The following PRIM2 variants were observed in gnomAD, a reference collection of about 807,000 sequenced individuals.
The protein encoded by PRIM2 is DNA primase subunit 2, also known as DNA primase large subunit.
A neutral mutation model predicts 67.3 loss-of-function variants in PRIM2; 39 were observed. The observed-to-expected ratio is 0.58, with a 90% CI of 0.45 to 0.76. The LOEUF (loss-of-function observed/expected upper bound fraction) is 0.76. Ranked by LOEUF, PRIM2 falls within the 30% of genes least tolerant of loss-of-function variation. The pLI is 0.00. For synonymous variants in PRIM2, 143 were observed against 198.7 expected (o/e 0.72, Z 2.36); for missense variants, 398 against 598.7 (o/e 0.66, Z 3.50).
chr6:57,337,407 AT>A (rs1177186301), intron 5 of PRIM2, among the ~76,000 whole-genome samples: 1 of 151,532 alleles, frequency 6.6e-6, no homozygotes, highest in Admixed American at 6.6e-5. Flanking sequence ...CAGAATATAC[AT>A]TTTTTTCAGC....
chr6:57,297,678 A>C, the PRIM2 span, among the ~76,000 whole-genome samples: 1 of 152,194 alleles, frequency 6.6e-6, no homozygotes, highest in African/African-American at 2.4e-5. Flanking sequence ...AGAAGTTATC[A>C]TTACCAGTAG....
chr6:57,456,260 T>C (rs1772775727), intron 7 of PRIM2, among the ~76,000 whole-genome samples: 2 of 152,176 alleles, frequency 1.3e-5, no homozygotes, highest in African/African-American at 4.8e-5. Flanking sequence ...GACAATTATG[T>C]GTCTTGGAGT....
At chr6:57,347,579 T>C (rs567904812) in intron 5 of PRIM2, among the ~76,000 whole-genome samples, 2,059 of 152,270 alleles carry the variant, frequency 0.014, 44 homozygotes, top group African/African-American at 0.047. Context: ...CCCAAGTAGC[T>C]GGGAATACAG....
chr6:57,621,131 C>T (rs1776845747), intron 12 of PRIM2, among the ~76,000 whole-genome samples: 1 of 152,104 alleles, frequency 6.6e-6, no homozygotes, highest in Non-Finnish European at 1.5e-5. Context: ...TACCACAGAC[C>T]AGCTAATTTA....
At chr6:57,625,769 C>G (rs1239750879) in intron 12 of PRIM2, among the ~76,000 whole-genome samples, 5 of 152,112 alleles carry the variant, frequency 3.3e-5, no homozygotes, top group Non-Finnish European at 7.4e-5. Context: ...CAGAAAAATT[C>G]TTGACATATA....
the PRIM2 span, among the ~76,000 whole-genome samples, chr6:57,236,861 T>C: frequency 6.6e-6 from 1 of 152,230 alleles, no homozygotes; most frequent in African/African-American, 2.4e-5. Context: ...TTGTGAATAG[T>C]GCCGCAATGA....
the PRIM2 span, among the ~76,000 whole-genome samples, chr6:57,268,106 A>G: frequency 6.6e-6 from 1 of 152,098 alleles, no homozygotes; most frequent in Admixed American, 6.6e-5. Context: ...GCACATTCCT[A>G]AAGTATTAGG....
At chr6:57,353,262 A>G (rs1254671589) in intron 5 of PRIM2, among the ~76,000 whole-genome samples, 1 of 152,088 alleles carries the variant, frequency 6.6e-6, no homozygotes, top group African/African-American at 2.4e-5. Context: ...CCACTTGAGT[A>G]AGTACTTAAA....
At chr6:57,523,421 G>A (rs1353866015) in intron 8 of PRIM2, among the ~76,000 whole-genome samples, 1 of 152,176 alleles carries the variant, frequency 6.6e-6, no homozygotes, top group Non-Finnish European at 1.5e-5. Context: ...GATTGCCTTG[G>A]GCAAACTGGA....
At chr6:57,509,232 T>C (rs1554347494) in intron 8 of PRIM2, among the ~76,000 whole-genome samples, 2 of 151,866 alleles carry the variant, frequency 1.3e-5, no homozygotes, top group Admixed American at 1.3e-4. Context: ...GTAATTGTTT[T>C]GTTGGGTTGA....
At chr6:57,379,528 A>G (rs1299506207) in intron 5 of PRIM2, among the ~76,000 whole-genome samples, 1 of 152,146 alleles carries the variant, frequency 6.6e-6, no homozygotes, top group African/African-American at 2.4e-5. Context: ...CTCAATTAGG[A>G]TATTTTAATA....
the PRIM2 span, among the ~76,000 whole-genome samples, chr6:57,255,314 C>T: frequency 2.2e-3 from 335 of 152,016 alleles, 3 homozygotes; most frequent in African/African-American, 7.4e-3. Context: ...CTGGCTAACA[C>T]AGTGAAACCC....
intron 8 of PRIM2, among the ~76,000 whole-genome samples, chr6:57,520,475 T>C (rs1274440115): frequency 3.3e-5 from 5 of 152,198 alleles, no homozygotes; most frequent in African/African-American, 1.2e-4. Context: ...TTCATTATAT[T>C]ACTAGAATAT....
chr6:57,519,304 A>C (rs1297950626), intron 8 of PRIM2, among the ~76,000 whole-genome samples: 2 of 152,210 alleles, frequency 1.3e-5, no homozygotes, highest in Non-Finnish European at 2.9e-5. Flanking sequence ...AAAATTTATT[A>C]GGCAGGAATT....
the PRIM2 span, among the ~76,000 whole-genome samples, chr6:57,246,215 G>T: frequency 2.0e-5 from 3 of 152,302 alleles, no homozygotes; most frequent in African/African-American, 4.8e-5. Context: ...ATTTACGGGG[G>T]AGAAGATATT....
chr6:57,608,041 G>T (rs1441093347), intron 12 of PRIM2, among the ~76,000 whole-genome samples: 2 of 151,818 alleles, frequency 1.3e-5, no homozygotes, highest in Non-Finnish European at 2.9e-5. Flanking sequence ...CTACTTTAGA[G>T]CTTATTGTCA....
At chr6:57,587,343 A>G (rs1253543260) in intron 10 of PRIM2, among the ~76,000 whole-genome samples, 16 of 152,238 alleles carry the variant, frequency 1.1e-4, no homozygotes, top group African/African-American at 3.9e-4. Flanking sequence ...CAAAGTAGTG[A>G]GATTCTTTAT....
chr6:57,610,355 A>C (rs1371571053), intron 12 of PRIM2, among the ~76,000 whole-genome samples: 1 of 152,182 alleles, frequency 6.6e-6, no homozygotes, highest in Non-Finnish European at 1.5e-5. Flanking sequence ...GGCGTGACCC[A>C]CCACGCCTGG....
At chr6:57,241,141 G>A in the PRIM2 span, among the ~76,000 whole-genome samples, 115 of 150,910 alleles carry the variant, frequency 7.6e-4, no homozygotes, top group Admixed American at 1.3e-3. Context: ...GGAGAATGGC[G>A]TGAACCCAGG....
Sources: allele counts gnomAD v4.1 joint callset (sites outside exome capture counted in the v4.1 genomes callset), GRCh38; gene constraint gnomAD v4.1.1; transcripts MANE v1.5; gene names NCBI Gene and HGNC (gene_info 2026-07-23, HGNC 2026-07-21).